Variants in SLC41A2 observed in about 807,000 individuals in gnomAD.
The protein encoded by SLC41A2 is SLC41A1-like 1.
In SLC41A2, 32 loss-of-function variants were observed where a neutral mutation model predicts 58.3. The ratio of observed to expected loss-of-function variants is 0.55; its 90% CI spans 0.41 to 0.74. The LOEUF (loss-of-function observed/expected upper bound fraction) is 0.74. Among genes scored for constraint, SLC41A2 ranks in the 30% least tolerant of loss-of-function variants. The probability of loss-of-function intolerance (pLI) is 0.00; values close to 1 mark genes in which losing one functional copy is unlikely to be tolerated. For missense variants in SLC41A2, 514 were observed against 680.6 expected (o/e 0.76, Z 2.72); for synonymous variants, 190 against 235.0 (o/e 0.81, Z 1.75).
chr12:104,915,390 C>T (rs1347050343), intron 2 of SLC41A2, among the ~76,000 whole-genome samples: 2 of 152,160 alleles, frequency 1.3e-5, no homozygotes, highest in Non-Finnish European at 2.9e-5. Context: ...TTGATTCTTC[C>T]TACCCATGAG....
intron 2 of SLC41A2, among the ~76,000 whole-genome samples, chr12:104,923,260 G>A (rs1336700804): frequency 6.8e-6 from 1 of 147,906 alleles, no homozygotes; most frequent in Non-Finnish European, 1.5e-5. Flanking sequence ...TACTCAGGAG[G>A]CTGAGGCAGG....
intron 6 of SLC41A2, among the ~76,000 whole-genome samples, chr12:104,880,593 GT>G (rs1420323093): frequency 6.6e-6 from 1 of 152,154 alleles, no homozygotes; most frequent in Non-Finnish European, 1.5e-5. Context: ...TTTGCCATTG[GT>G]TCTGTTAATA....
At chr12:104,869,419 A>C (rs572138140) in intron 6 of SLC41A2, among the ~76,000 whole-genome samples, 1 of 152,350 alleles carries the variant, frequency 6.6e-6, no homozygotes, top group South Asian at 2.1e-4. Context: ...AGAACAAAAG[A>C]TAAAGCAAAT....
Position 104,844,517 on chromosome 12 carries a change from T to A in SLC41A2, c.1491A>T (p.Leu497Phe). 6.4e-7 allele frequency: 1 copy of A among 1,565,414 alleles called. No individual in the cohort carries two copies. The highest frequency in any genetic ancestry group is 8.6e-7 in the Non-Finnish European group (1 of 1,157,900). The change falls in exon 10 of 11, where the codon TTA becomes TTT. Residue 497 changes from leucine (L) to phenylalanine (F), a missense_variant. This residue lies in a region of SLC41A2 where 128 missense variants were observed against 146.0 expected (regional missense o/e 0.88). Transcript: ENST00000258538. ...AATACACTACTATGAAGATTATAGTTAAAGAAGTATGACCACTTTTCATCA... is the reference window on the plus strand; with the variant it reads ...AATACACTACTATGAAGATTATAGTAAAAGAAGTATGACCACTTTTCATCA... ...IHLMKSGHTS[L>F]TIIFIVVYLF... is the part of the protein sequence containing the mutation.
intron 2 of SLC41A2, 91 bp downstream of exon 2, chr12:104,927,882 A>G (rs1337617945): frequency 1.7e-6 from 2 of 1,142,932 alleles, no homozygotes; most frequent in African/African-American, 3.1e-5. Flanking sequence ...TCTAAAGTGA[A>G]TGTTTGAGAG....
In SLC41A2 at chr12:104,920,443, A is replaced by G. The variant is rs974551771; in HGVS notation, c.555+7530T>C. 3.3e-5 allele frequency among the ~76,000 whole-genome samples: 5 copies of G among 152,058 alleles called. 1 individual carries two copies. The highest frequency in any genetic ancestry group is 7.3e-5 in the Non-Finnish European group (5 of 68,030). On this transcript the variant is annotated intron_variant, in intron 2 of 10. Transcript: ENST00000258538. ...AGATTGAAATAATAAAAATAAAAGA[A>G]AACAAATCGTAAAACTGAGAAATAC...
chr12:104,869,239 G>A (rs1051713912), intron 6 of SLC41A2, among the ~76,000 whole-genome samples: 1 of 152,108 alleles, frequency 6.6e-6, no homozygotes, highest in Non-Finnish European at 1.5e-5. Context: ...TTATGAATAT[G>A]CCAAAAACCA....
intron 6 of SLC41A2, among the ~76,000 whole-genome samples, chr12:104,874,775 A>G (rs1252792909): frequency 6.6e-6 from 1 of 152,212 alleles, no homozygotes; most frequent in African/African-American, 2.4e-5. Context: ...GAAATCAGGA[A>G]GTGTGATGCC....
intron 3 of SLC41A2, among the ~76,000 whole-genome samples, chr12:104,909,364 G>T (rs1014226852): frequency 6.6e-6 from 1 of 151,860 alleles, no homozygotes; most frequent in African/African-American, 2.4e-5. Context: ...ACCAACCATC[G>T]AACCACAAAG....
intron 2 of SLC41A2, among the ~76,000 whole-genome samples, chr12:104,920,591 A>G (rs1019298026): frequency 3.3e-5 from 5 of 152,232 alleles, no homozygotes; most frequent in Middle Eastern, 3.4e-3. Context: ...CAGCCTGCAC[A>G]ACAAAGCAAG....
intron 10 of SLC41A2, among the ~76,000 whole-genome samples, chr12:104,817,258 C>A (rs1432408634): frequency 6.6e-6 from 1 of 152,054 alleles, no homozygotes; most frequent in African/African-American, 2.4e-5. Flanking sequence ...AGGGCACTTA[C>A]CATGAATGAA....
At chr12:104,900,112 G>A (rs922779329) in intron 3 of SLC41A2, among the ~76,000 whole-genome samples, 5 of 152,106 alleles carry the variant, frequency 3.3e-5, no homozygotes, top group Non-Finnish European at 4.4e-5. Flanking sequence ...TCTGCCATAT[G>A]AGATCCAGGG....
chr12:104,827,154 G>A (rs773769542), intron 10 of SLC41A2, among the ~76,000 whole-genome samples: 2 of 152,184 alleles, frequency 1.3e-5, no homozygotes, highest in Non-Finnish European at 2.9e-5. Context: ...AGAGGCCTTC[G>A]TAAAGCACAC....
rs1286990747 is a variant in SLC41A2, at chr12:104,804,768, C to T, written c.*384G>A. On this transcript the variant is annotated 3_prime_UTR_variant, in exon 11 of 11. Transcript: ENST00000258538. ...CCTGGGATACAGCACATCTGTGAGA[C>T]AAGAAAGGCTAAACTAGAGCTCTGC... The T allele has an allele frequency of 6.3e-6, 1 of 157,488 alleles. No homozygotes were observed. Among genetic ancestry groups the T allele is most frequent in the Admixed American group, 6.4e-5 (1 of 15,686 alleles). The allele number at this position is 157,488 out of a possible 1,614,324, so 9.8% of individuals were successfully genotyped here. A position where few individuals can be genotyped will look rare whatever the true frequency, so the allele number is the denominator to read the frequency against.
At position 104,905,362 on chromosome 12, in the gene SLC41A2, A is replaced by T. The variant is rs1174618268; in HGVS notation, c.663+4293T>A. 2.6e-5 allele frequency among the ~76,000 whole-genome samples: 4 copies of T among 152,250 alleles called. No individual in the cohort carries two copies. The South Asian group carries it at 8.3e-4, about 31-fold the overall frequency. On this transcript the variant is annotated intron_variant, in intron 3 of 10. Coordinates refer to ENST00000258538, the MANE Select transcript of SLC41A2 (RefSeq NM_001352171.3). Reference sequence around the variant, plus strand: ...CACTCCCAAACCTTGAGCTAAACACAGGGTGCTGATTGGTGTATTTACAAT... The same window carrying T: ...CACTCCCAAACCTTGAGCTAAACACTGGGTGCTGATTGGTGTATTTACAAT...
chr12:104,867,792 T>C (rs2043544725), intron 6 of SLC41A2, among the ~76,000 whole-genome samples: 1 of 151,576 alleles, frequency 6.6e-6, no homozygotes. Context: ...AATTTTTTGA[T>C]GTTACAGAAT....
At position 104,952,369 on chromosome 12, in the gene SLC41A2, T is replaced by G. The variant is rs1162763700; in HGVS notation, c.-168+5719A>C. The stretch of plus-strand genomic sequence containing the variant: ...CAAAGGTACTTAGGCGAACGAATCT[T>G]TATGAACTGGGAAATTCCAATAACA... On this transcript the variant is annotated intron_variant, in intron 1 of 10. Transcript: ENST00000258538. 2.6e-5 allele frequency among the ~76,000 whole-genome samples: 4 copies of G among 152,314 alleles called. No individual in the cohort carries two copies. The South Asian group carries it at 6.2e-4, about 24-fold the overall frequency.
chr12:104,904,607 CTT>C (rs2045722942), intron 3 of SLC41A2, among the ~76,000 whole-genome samples: 1 of 61,980 alleles, frequency 1.6e-5, no homozygotes, highest in Non-Finnish European at 3.8e-5. Context: ...TGTTACAGCT[CTT>C]AAAGTGGCGC....
At chr12:104,879,788 C>T (rs191580869) in intron 6 of SLC41A2, among the ~76,000 whole-genome samples, 1,586 of 152,074 alleles carry the variant, frequency 0.01, 30 homozygotes, top group African/African-American at 0.036. Flanking sequence ...GGCTCTTTTT[C>T]GGTTCCATAT....
Sources: gnomAD v4.1 joint callset for allele counts (sites outside exome capture counted in the v4.1 genomes callset) on GRCh38, gnomAD v4.1.1 for gene constraint, gnomAD v4.1.1 regional missense constraint, MANE v1.5 for transcripts, NCBI Gene and HGNC (gene_info 2026-07-23, HGNC 2026-07-21) for gene names.